Variants in NR2F1-AS1 observed in about 807,000 individuals in gnomAD.
NR2F1-AS1 encodes the protein NR2F1 regulatory antisense RNA 1.
intron 4 of NR2F1-AS1, among the ~76,000 whole-genome samples, chr5:93,436,755 T>C (rs972338446): frequency 3.9e-5 from 6 of 152,170 alleles, no homozygotes; most frequent in Non-Finnish European, 7.4e-5. Flanking sequence ...GGCACCTCAT[T>C]ATATAAAATA....
chr5:93,490,966 T>C (rs1011850301), intron 4 of NR2F1-AS1, among the ~76,000 whole-genome samples: 2 of 146,812 alleles, frequency 1.4e-5, no homozygotes, highest in African/African-American at 2.5e-5. Flanking sequence ...GTGGTGGTTG[T>C]TCCTGGTAAT....
At chr5:93,466,334 T>TC (rs1004500333) in intron 4 of NR2F1-AS1, among the ~76,000 whole-genome samples, 4 of 151,702 alleles carry the variant, frequency 2.6e-5, no homozygotes, top group African/African-American at 9.7e-5. Context: ...AAGAATTCTT[T>TC]TTTTTTTTTT....
At chr5:93,415,796 G>C (rs1266665035) in intron 4 of NR2F1-AS1, among the ~76,000 whole-genome samples, 1 of 152,166 alleles carries the variant, frequency 6.6e-6, no homozygotes, top group Non-Finnish European at 1.5e-5. Context: ...TTGTGAACTT[G>C]TATTGTAATA....
At chr5:93,543,403 GA>G (rs1334608304) in intron 4 of NR2F1-AS1, 2 of 152,098 alleles carry the variant, frequency 1.3e-5, no homozygotes, top group Non-Finnish European at 2.9e-5. Context: ...AAAAAAAATG[GA>G]AAAGTAATTT....
At chr5:93,574,196 G>A (rs1752842302) in intron 1 of NR2F1-AS1, among the ~76,000 whole-genome samples, 1 of 152,058 alleles carries the variant, frequency 6.6e-6, no homozygotes, top group Non-Finnish European at 1.5e-5. Context: ...CCAGGGACTA[G>A]AAGAGCAAGT....
At chr5:93,462,205 G>A (rs1389977327) in intron 4 of NR2F1-AS1, among the ~76,000 whole-genome samples, 1 of 152,162 alleles carries the variant, frequency 6.6e-6, no homozygotes, top group Non-Finnish European at 1.5e-5. Context: ...TGTCATGGGA[G>A]GAACCTGGTG....
intron 4 of NR2F1-AS1, among the ~76,000 whole-genome samples, chr5:93,436,307 A>C (rs561686296): frequency 6.6e-6 from 1 of 152,300 alleles, no homozygotes; most frequent in East Asian, 1.9e-4. Flanking sequence ...TCAACACAGA[A>C]ACTCACTTTT....
chr5:93,456,569 C>A (rs1201729060), intron 4 of NR2F1-AS1, among the ~76,000 whole-genome samples: 3 of 151,960 alleles, frequency 2.0e-5, no homozygotes, highest in Non-Finnish European at 4.4e-5. Context: ...TCCTAGTAAG[C>A]CTTTTTGTAG....
chr5:93,429,265 T>A (rs1365560667), intron 4 of NR2F1-AS1, among the ~76,000 whole-genome samples: 2 of 152,292 alleles, frequency 1.3e-5, no homozygotes, highest in South Asian at 2.1e-4. Flanking sequence ...AACACTAACC[T>A]CTAAAACTCT....
chr5:93,445,228 C>CA (rs1488744865), intron 4 of NR2F1-AS1, among the ~76,000 whole-genome samples: 37 of 152,104 alleles, frequency 2.4e-4, no homozygotes, highest in Admixed American at 1.3e-3. Context: ...GATAGAGACA[C>CA]AAAAAACCCT....
intron 4 of NR2F1-AS1, among the ~76,000 whole-genome samples, chr5:93,494,482 A>G (rs1159088010): frequency 6.6e-6 from 1 of 152,140 alleles, no homozygotes; most frequent in Non-Finnish European, 1.5e-5. Flanking sequence ...AAATATAAAA[A>G]TTAACCAGGA....
At chr5:93,558,316 TTTC>T (rs1033473340) in intron 2 of NR2F1-AS1, among the ~76,000 whole-genome samples, 24 of 151,190 alleles carry the variant, frequency 1.6e-4, no homozygotes, top group African/African-American at 2.2e-4. Context: ...ATAAAATGTA[TTTC>T]TTTTTTTTTT....
chr5:93,446,927 A>G (rs1164615836), intron 4 of NR2F1-AS1, among the ~76,000 whole-genome samples: 1 of 152,172 alleles, frequency 6.6e-6, no homozygotes, highest in Non-Finnish European at 1.5e-5. Context: ...ATCTTTGACA[A>G]ACCTGACAAA....
At chr5:93,431,797 A>C (rs897891031) in intron 4 of NR2F1-AS1, among the ~76,000 whole-genome samples, 1 of 152,206 alleles carries the variant, frequency 6.6e-6, no homozygotes, top group African/African-American at 2.4e-5. Context: ...TCACTTACTT[A>C]AAGTATCTCT....
chr5:93,439,759 C>CTTAA, intron 4 of NR2F1-AS1, among the ~76,000 whole-genome samples: 1 of 152,306 alleles, frequency 6.6e-6, no homozygotes, highest in Non-Finnish European at 1.5e-5. Context: ...TTAAGCCCCT[C>CTTAA]TTCATTACTT....
At chr5:93,520,660 T>C (rs1305138162) in intron 4 of NR2F1-AS1, among the ~76,000 whole-genome samples, 1 of 152,074 alleles carries the variant, frequency 6.6e-6, no homozygotes, top group African/African-American at 2.4e-5. Context: ...TGGTAGAGAC[T>C]CTAATGAATC....
chr5:93,433,453 G>A (rs576645143), intron 4 of NR2F1-AS1, among the ~76,000 whole-genome samples: 1 of 152,256 alleles, frequency 6.6e-6, no homozygotes, highest in South Asian at 2.1e-4. Flanking sequence ...CCTGGCTCAG[G>A]CAGGGTTCCT....
chr5:93,489,506 T>C (rs1221538013), intron 4 of NR2F1-AS1, among the ~76,000 whole-genome samples: 3 of 152,194 alleles, frequency 2.0e-5, no homozygotes, highest in Non-Finnish European at 4.4e-5. Context: ...TACTGGGAAA[T>C]CTAAAAATGT....
chr5:93,560,246 C>T (rs1290098322), intron 2 of NR2F1-AS1, among the ~76,000 whole-genome samples: 1 of 152,128 alleles, frequency 6.6e-6, no homozygotes, highest in Non-Finnish European at 1.5e-5. Flanking sequence ...GATTTTTTTA[C>T]ACTTCTCTTG....
Sources: allele counts gnomAD v4.1 joint callset (sites outside exome capture counted in the v4.1 genomes callset), GRCh38; gene constraint gnomAD v4.1.1; transcripts MANE v1.5; gene names NCBI Gene and HGNC (gene_info 2026-07-23, HGNC 2026-07-21).